PCSK5: variants seen among roughly 807,000 people sequenced by gnomAD.
PCSK5 encodes proprotein convertase subtilisin/kexin type 5.
In PCSK5, 129 loss-of-function variants were observed where a neutral mutation model predicts 233.2. The observed-to-expected ratio is 0.55, with a 90% confidence interval of 0.48 to 0.64. PCSK5 has a LOEUF of 0.64. Among genes scored for constraint, PCSK5 ranks in the 30% least tolerant of loss-of-function variants. The probability of loss-of-function intolerance (pLI) is 0.00; values close to 1 mark genes in which losing one functional copy is unlikely to be tolerated. For synonymous variants in PCSK5, 825 were observed against 879.2 expected, an observed-to-expected ratio of 0.94 and a Z score of 1.09; for missense variants, 2,076 against 2,430.1, an observed-to-expected ratio of 0.85 and a Z score of 3.06.
chr9:76,201,029 A>G (rs775256857), intron 20 of PCSK5, among the ~76,000 whole-genome samples: 1 of 152,214 alleles, frequency 6.6e-6, no homozygotes, highest in African/African-American at 2.4e-5. Context: ...TGATGGCTGT[A>G]TTGAGCCAGT....
At chr9:76,245,942 T>A (rs2131337316) in intron 24 of PCSK5, among the ~76,000 whole-genome samples, 1 of 152,246 alleles carries the variant, frequency 6.6e-6, no homozygotes, top group East Asian at 1.9e-4. Context: ...CAGGAAATTA[T>A]GAGGACAGAG....
intron 24 of PCSK5, among the ~76,000 whole-genome samples, chr9:76,252,688 T>C (rs1172617681): frequency 6.6e-6 from 1 of 152,214 alleles, no homozygotes; most frequent in Non-Finnish European, 1.5e-5. Context: ...AAGTATGTGA[T>C]TGGCAGAAGA....
At chr9:76,202,553 C>T (rs1232439274) in intron 20 of PCSK5, among the ~76,000 whole-genome samples, 1 of 152,200 alleles carries the variant, frequency 6.6e-6, no homozygotes, top group Non-Finnish European at 1.5e-5. Context: ...TCACAACATT[C>T]TCTTCTTCCC....
intron 8 of PCSK5, among the ~76,000 whole-genome samples, chr9:76,101,867 G>C (rs112023969): frequency 6.6e-6 from 1 of 152,008 alleles, no homozygotes; most frequent in African/African-American, 2.4e-5. Flanking sequence ...TCTACCACCC[G>C]ATTCATTTTT....
chr9:76,254,681 G>A (rs1431431480), intron 24 of PCSK5, among the ~76,000 whole-genome samples: 2 of 152,146 alleles, frequency 1.3e-5, no homozygotes, highest in Non-Finnish European at 2.9e-5. Context: ...TCTTGCCTTT[G>A]TTTGCTGCCT....
intron 7 of PCSK5, among the ~76,000 whole-genome samples, chr9:76,091,024 GA>G (rs1338785005): frequency 2.0e-5 from 3 of 152,144 alleles, no homozygotes; most frequent in African/African-American, 7.2e-5. Context: ...ACAGGAGGTA[GA>G]GCTCAGGCGG....
rs768805099 is a variant in PCSK5 at position 75,972,435 on chromosome 9, T to A, written c.298-13697T>A. Among the ~76,000 whole-genome samples, 4 of 152,352 alleles carry A rather than the reference T, an allele frequency of 2.6e-5. No homozygotes were observed. The South Asian group carries it at 8.3e-4, about 32-fold the overall frequency. On this transcript the variant is annotated intron_variant, in intron 2 of 37. Coordinates refer to ENST00000674117, the MANE Select transcript of PCSK5 (RefSeq NM_001372043.1). Reference sequence around the variant, plus strand: ...GTGAAGAATGTTCATGATAGTTTAATGGGAATAGTATTGAATCCATAAATT... The same window carrying A: ...GTGAAGAATGTTCATGATAGTTTAAAGGGAATAGTATTGAATCCATAAATT...
intron 9 of PCSK5, among the ~76,000 whole-genome samples, chr9:76,108,333 A>G (rs1832062039): frequency 6.6e-6 from 1 of 152,228 alleles, no homozygotes; most frequent in African/African-American, 2.4e-5. Flanking sequence ...GATTTTCTAA[A>G]AATAGCCCTG....
rs182927379 is a variant in PCSK5 at position 75,940,189 on chromosome 9, G to A, written c.297+7706G>A. Among the ~76,000 whole-genome samples the A allele has an allele frequency of 5.0e-4, 76 of 152,252 alleles. 1 individual carries two copies. The East Asian group carries it at 0.014, about 27-fold the overall frequency. On this transcript the variant is annotated intron_variant, in intron 2 of 37. Transcript: ENST00000674117. ...ATTTCTATATTTTAAGAGATTTAACGTGTTGGTTATAATCTGCTTGCCTGT... is the reference window on the plus strand; with the variant it reads ...ATTTCTATATTTTAAGAGATTTAACATGTTGGTTATAATCTGCTTGCCTGT...
At chr9:75,912,612 CT>C (rs1822795114) in intron 1 of PCSK5, among the ~76,000 whole-genome samples, 2 of 152,146 alleles carry the variant, frequency 1.3e-5, no homozygotes, top group African/African-American at 4.8e-5. Flanking sequence ...TCTTTGCAGA[CT>C]TGCATGCACA....
At chr9:76,066,768 G>A (rs1033195127) in intron 5 of PCSK5, among the ~76,000 whole-genome samples, 2 of 152,196 alleles carry the variant, frequency 1.3e-5, no homozygotes, top group African/African-American at 4.8e-5. Flanking sequence ...GTTGTAAGCA[G>A]TAACTTGATT....
chr9:75,981,363 A>T (rs1200631576), intron 2 of PCSK5, among the ~76,000 whole-genome samples: 3 of 152,184 alleles, frequency 2.0e-5, no homozygotes, highest in African/African-American at 7.2e-5. Flanking sequence ...TTGCAAGATC[A>T]CATAGGTGAC....
intron 2 of PCSK5, among the ~76,000 whole-genome samples, chr9:75,933,272 C>T (rs183555613): frequency 2.0e-5 from 3 of 152,242 alleles, no homozygotes; most frequent in East Asian, 3.9e-4. Flanking sequence ...GGAGTTTTGA[C>T]TGAGAACTAA....
At chr9:76,210,053 G>A (rs1042511690) in intron 20 of PCSK5, among the ~76,000 whole-genome samples, 26 of 152,108 alleles carry the variant, frequency 1.7e-4, no homozygotes, top group African/African-American at 6.0e-4. Flanking sequence ...TCTTGGAAAC[G>A]CCAGAGCATG....
intron 24 of PCSK5, among the ~76,000 whole-genome samples, chr9:76,281,488 C>T (rs931948489): frequency 6.7e-6 from 1 of 148,714 alleles, no homozygotes; most frequent in Non-Finnish European, 1.5e-5. Flanking sequence ...ACGGTGGAGA[C>T]CTACTGCTCA....
intron 24 of PCSK5, among the ~76,000 whole-genome samples, chr9:76,284,593 C>T (rs1036835896): frequency 2.1e-5 from 3 of 142,226 alleles, no homozygotes; most frequent in South Asian, 2.2e-4. Flanking sequence ...AGTGCAATGG[C>T]GCGATCTCAG....
chr9:76,180,998 A>T (rs1823845712), intron 15 of PCSK5, among the ~76,000 whole-genome samples: 1 of 152,162 alleles, frequency 6.6e-6, no homozygotes, highest in Non-Finnish European at 1.5e-5. Context: ...ACACATGCAC[A>T]TACAGGATCC....
intron 5 of PCSK5, among the ~76,000 whole-genome samples, chr9:76,059,114 A>G (rs963544354): frequency 1.3e-5 from 2 of 152,258 alleles, no homozygotes; most frequent in Admixed American, 1.3e-4. Flanking sequence ...AGCAAGTTAC[A>G]CAGAATGCAG....
At position 76,295,290 on chromosome 9, in the gene PCSK5, T is replaced by G; in HGVS notation, c.3201T>G (p.Cys1067Trp). The G allele has an allele frequency of 6.2e-7, 1 of 1,611,082 alleles. No individual in the cohort carries two copies. The highest frequency in any genetic ancestry group is 8.5e-7 in the Non-Finnish European group (1 of 1,178,902). Reference protein sequence around the residue: ...AMGYYRFDHHCYKTCPEKTYS... With the variant: ...AMGYYRFDHHWYKTCPEKTYS... ...CTTCCTCTAGGTTTGATCACCATTG[T>G]TATAAAACCTGTCCTGAGAAGACCT... Residue 1067 changes from cysteine (C) to tryptophan (W), a missense_variant, in exon 26 of 38, where the codon TGT becomes TGG. By Grantham distance (215) the Cys-to-Trp change is radical. This residue lies in a region of PCSK5 where 1,510 missense variants were observed against 1,538.1 expected (regional missense o/e 0.98). Coordinates refer to ENST00000674117, the MANE Select transcript of PCSK5 (RefSeq NM_001372043.1).
Sources: gnomAD v4.1 joint callset for allele counts (sites outside exome capture counted in the v4.1 genomes callset) on GRCh38, gnomAD v4.1.1 for gene constraint, gnomAD v4.1.1 regional missense constraint, MANE v1.5 for transcripts, NCBI Gene and HGNC (gene_info 2026-07-23, HGNC 2026-07-21) for gene names.